The following CDH12 variants were observed in gnomAD, a reference collection of about 807,000 sequenced individuals.
CDH12 encodes cadherin 12.
Under a neutral mutation model 74.1 loss-of-function variants are expected in CDH12, and 41 were observed. The observed-to-expected ratio is 0.55, with a 90% CI of 0.43 to 0.72. The LOEUF (loss-of-function observed/expected upper bound fraction) is 0.72, where lower values mean the gene tolerates loss of function less well. CDH12 is among the 30% of genes least tolerant of loss of function. The pLI, the probability that CDH12 is intolerant of heterozygous loss-of-function variation, is 0.00. For missense variants in CDH12, 945 were observed against 977.2 expected (o/e 0.97, Z 0.44); for synonymous variants, 399 against 355.0 (o/e 1.12, Z -1.39).
intron 1 of CDH12, among the ~76,000 whole-genome samples, chr5:22,686,323 T>G (rs1741795796): frequency 6.6e-6 from 1 of 152,164 alleles, no homozygotes; most frequent in Non-Finnish European, 1.5e-5. Flanking sequence ...TCTCCCATAC[T>G]ATGGGTTGTC....
At chr5:22,226,294 T>C (rs1015572896) in intron 3 of CDH12, among the ~76,000 whole-genome samples, 2 of 152,032 alleles carry the variant, frequency 1.3e-5, no homozygotes, top group Admixed American at 6.6e-5. Flanking sequence ...AAGGTTATGG[T>C]TGATCATAAA....
At chr5:22,340,971 T>G (rs943769371) in intron 3 of CDH12, among the ~76,000 whole-genome samples, 10 of 152,222 alleles carry the variant, frequency 6.6e-5, no homozygotes, top group Non-Finnish European at 1.5e-4. Flanking sequence ...ATGACAGATT[T>G]TATGTAACAT....
At chr5:21,845,031 A>ATAGATAGATAGATAGAT (rs148789214) in intron 7 of CDH12, among the ~76,000 whole-genome samples, 60 of 149,888 alleles carry the variant, frequency 4.0e-4, no homozygotes, top group African/African-American at 1.5e-3. Context: ...AGATAGATAG[A>ATAGATAGATAGATAGAT]TAGATTAGAT....
intron 3 of CDH12, among the ~76,000 whole-genome samples, chr5:22,265,130 G>A (rs1391838411): frequency 2.0e-5 from 3 of 152,088 alleles, no homozygotes; most frequent in Admixed American, 6.6e-5. Context: ...GAACAGCAGA[G>A]GTATGAGAAT....
chr5:21,772,837 TG>T (rs1745395756), intron 11 of CDH12, among the ~76,000 whole-genome samples: 1 of 152,194 alleles, frequency 6.6e-6, no homozygotes, highest in African/African-American at 2.4e-5. Context: ...AAGTTCATCA[TG>T]TAGTTTTAAT....
At chr5:21,967,142 A>C (rs1370559957) in intron 6 of CDH12, among the ~76,000 whole-genome samples, 1 of 152,104 alleles carries the variant, frequency 6.6e-6, no homozygotes, top group Non-Finnish European at 1.5e-5. Context: ...TGGAAGACAC[A>C]GCTGACATCT....
chr5:22,113,623 C>T (rs868095766), intron 4 of CDH12, among the ~76,000 whole-genome samples: 7 of 152,150 alleles, frequency 4.6e-5, no homozygotes, highest in South Asian at 4.1e-4. Context: ...AACCAAGCTG[C>T]GCCCCAACCA....
intron 1 of CDH12, among the ~76,000 whole-genome samples, chr5:22,707,334 T>A (rs1282549064): frequency 2.0e-5 from 3 of 152,204 alleles, no homozygotes; most frequent in Admixed American, 6.6e-5. Flanking sequence ...GTGTGATAAC[T>A]AATAGGAAGG....
chr5:22,114,416 TTC>T (rs1744977463), intron 4 of CDH12, among the ~76,000 whole-genome samples: 1 of 152,114 alleles, frequency 6.6e-6, no homozygotes, highest in African/African-American at 2.4e-5. Flanking sequence ...TCCTTTAGAG[TTC>T]TGGACAATTG....
Position 21,842,153 on chromosome 5 carries a change from T to C in CDH12, c.814+8A>G, listed in dbSNP as rs112634758. ...AATAATTTAGGCTTAACAGGAAAGG[T>C]GACATACTTTTGGGGAATCGAGGTG... On this transcript the variant is annotated splice_region_variant and intron_variant, in intron 8 of 14. Coordinates refer to ENST00000382254, the MANE Select transcript of CDH12 (RefSeq NM_004061.5). The C allele has an allele frequency of 5.0e-6, 8 of 1,602,680 alleles. No individual in the cohort carries two copies. The African/African-American group carries it at 5.4e-5, about 11-fold the overall frequency.
At chr5:22,236,427 T>C (rs1396508740) in intron 3 of CDH12, among the ~76,000 whole-genome samples, 1 of 152,168 alleles carries the variant, frequency 6.6e-6, no homozygotes, top group African/African-American at 2.4e-5. Flanking sequence ...CTTTTGAAAC[T>C]TTTTATTAAG....
intron 2 of CDH12, among the ~76,000 whole-genome samples, chr5:22,491,813 T>G (rs2126641505): frequency 6.6e-6 from 1 of 152,176 alleles, no homozygotes; most frequent in East Asian, 1.9e-4. Flanking sequence ...AATCAAGGTA[T>G]TTGCAGGGCT....
At chr5:21,797,935 G>T (rs149753824) in intron 10 of CDH12, among the ~76,000 whole-genome samples, 68 of 152,042 alleles carry the variant, frequency 4.5e-4, no homozygotes, top group African/African-American at 1.5e-3. Flanking sequence ...AAACAACATA[G>T]CATGTTCTCT....
chr5:22,671,945 C>T (rs1740919817), intron 1 of CDH12, among the ~76,000 whole-genome samples: 1 of 148,834 alleles, frequency 6.7e-6, no homozygotes, highest in Non-Finnish European at 1.5e-5. Flanking sequence ...TTACCTCAGT[C>T]ACCTTTAAAG....
chr5:22,327,967 CAG>C (rs1739191993), intron 3 of CDH12, among the ~76,000 whole-genome samples: 2 of 152,136 alleles, frequency 1.3e-5, no homozygotes, highest in Non-Finnish European at 2.9e-5. Context: ...CATTCAAAAA[CAG>C]ATATATGTAT....
intron 4 of CDH12, among the ~76,000 whole-genome samples, chr5:22,107,618 A>G (rs932872527): frequency 1.3e-5 from 2 of 152,044 alleles, no homozygotes; most frequent in Non-Finnish European, 2.9e-5. Flanking sequence ...TACTTTGGTA[A>G]AAATGAAGAA....
chr5:22,014,927 TAA>T (rs1195342115), intron 5 of CDH12, among the ~76,000 whole-genome samples: 5 of 152,150 alleles, frequency 3.3e-5, no homozygotes, highest in Non-Finnish European at 7.4e-5. Context: ...CAGAATATTT[TAA>T]GTTATAAATA....
At chr5:22,593,743 C>G (rs547680809) in intron 1 of CDH12, among the ~76,000 whole-genome samples, 1 of 152,272 alleles carries the variant, frequency 6.6e-6, no homozygotes, top group East Asian at 1.9e-4. Context: ...TAGCTTTAGG[C>G]ATGACTAGCT....
Position 22,654,339 on chromosome 5 carries a change from G to T in CDH12, c.-522-148975C>A, listed in dbSNP as rs184533502. Among the ~76,000 whole-genome samples, 289 of 151,116 alleles carry T rather than the reference G, an allele frequency of 1.9e-3. 1 individual carries two copies. The highest frequency in any genetic ancestry group is 6.7e-3 in the African/African-American group (275 of 41,126). ...AGTCTCGCTCTTGTCACCCAGGCTG[G>T]AGTGCAATGGTGCAATCTCAGCTCA... is the stretch of plus-strand genomic sequence containing the variant. On this transcript the variant is annotated intron_variant, in intron 1 of 14. Coordinates refer to ENST00000382254, the MANE Select transcript of CDH12 (RefSeq NM_004061.5).
Sources: allele counts gnomAD v4.1 joint callset (sites outside exome capture counted in the v4.1 genomes callset), GRCh38; gene constraint gnomAD v4.1.1; transcripts MANE v1.5; gene names NCBI Gene and HGNC (gene_info 2026-07-23, HGNC 2026-07-21).